Variants in DNASE1 observed in about 807,000 individuals in gnomAD.
DNASE1 encodes deoxyribonuclease 1.
A neutral mutation model predicts 33.9 loss-of-function variants in DNASE1; 40 were observed. That is an observed-to-expected ratio of 1.18 (90% CI 0.92 to 1.54). The LOEUF (loss-of-function observed/expected upper bound fraction) is 1.54. Ranked by LOEUF, DNASE1 falls within the 40% of genes most tolerant of loss-of-function variation. The pLI is 0.00. For missense variants in DNASE1, 518 were observed against 372.6 expected, an observed-to-expected ratio of 1.39 and a Z score of -3.21; for synonymous variants, 216 against 160.0, an observed-to-expected ratio of 1.35 and a Z score of -2.64.
chr16:3,635,486 A>C (rs1185912130), intron 1 of DNASE1, among the ~76,000 whole-genome samples: 2 of 151,154 alleles, frequency 1.3e-5, no homozygotes, highest in Non-Finnish European at 3.0e-5. Context: ...AAAAAGTAAG[A>C]AAAGTAAAAT....
chr16:3,630,066 A>C (rs1260124707), intron 1 of DNASE1, among the ~76,000 whole-genome samples: 2 of 152,066 alleles, frequency 1.3e-5, no homozygotes, highest in Admixed American at 1.3e-4. Context: ...TGATCTGCCC[A>C]CCTCGGCCTC....
rs1193485305 is a variant in DNASE1, at chr16:3,654,925, C to G, written c.-121C>G. On this transcript the variant is annotated 5_prime_UTR_variant, in exon 1 of 9. Coordinates refer to ENST00000246949, the MANE Select transcript of DNASE1 (RefSeq NM_005223.4). ...GGGCCTTGAAGTGCTTCTTCAGAGA[C>G]CTTTCTTCATAGACTACTTTTTTTT... The G allele has an allele frequency of 2.2e-6, 1 of 456,964 alleles. No individual in the cohort carries two copies. The highest frequency in any genetic ancestry group is 2.0e-5 in the African/African-American group (1 of 49,756). 28.3% of individuals were successfully genotyped at this position (456,964 alleles called of 1,614,324 possible).
chr16:3,658,694 A>AAGAC (rs1304238314), downstream of DNASE1: 1 of 1,036,162 alleles, frequency 9.7e-7, no homozygotes. Flanking sequence ...AACAAACAAA[A>AAGAC]AGACAGGATT....
At chr16:3,655,578 G>A in intron 2 of DNASE1, 58 bp downstream of exon 2, 1 of 1,610,294 alleles carries the variant, frequency 6.2e-7, no homozygotes, top group East Asian at 2.2e-5. Context: ...TAGGGCTGGT[G>A]GGCAGGGCCA....
At chr16:3,630,742 T>G (rs185550556) in intron 1 of DNASE1, among the ~76,000 whole-genome samples, 4 of 152,240 alleles carry the variant, frequency 2.6e-5, no homozygotes, top group African/African-American at 7.2e-5. Context: ...TGATTCTTTT[T>G]TGTAGTCCCA....
intron 1 of DNASE1, among the ~76,000 whole-genome samples, chr16:3,632,587 T>TC (rs1371871327): frequency 2.7e-4 from 34 of 126,530 alleles, no homozygotes; most frequent in Non-Finnish European, 5.4e-4. Flanking sequence ...TTTTTCTCTC[T>TC]TTTTTTTTTT....
chr16:3,658,736 AGGCTGGCAG>A (rs1314967196), downstream of DNASE1: 5 of 1,531,618 alleles, frequency 3.3e-6, no homozygotes, highest in Non-Finnish European at 4.5e-6. Flanking sequence ...CCCTGAAGGC[AGGCTGGCAG>A]GGCTGGTAGC....
downstream of DNASE1, chr16:3,658,132 G>A (rs1259590722): frequency 1.2e-6 from 2 of 1,613,980 alleles, no homozygotes; most frequent in Admixed American, 1.7e-5. Flanking sequence ...CTGGCTGTCA[G>A]TGTCGCTCCA....
At chr16:3,646,638 C>T (rs370620117) in intron 1 of DNASE1, among the ~76,000 whole-genome samples, 1 of 152,056 alleles carries the variant, frequency 6.6e-6, no homozygotes, top group East Asian at 1.9e-4. Flanking sequence ...CATTGGATTT[C>T]GTGTTAGGGA....
At chr16:3,630,970 T>G (rs962802209) in intron 1 of DNASE1, among the ~76,000 whole-genome samples, 2 of 152,098 alleles carry the variant, frequency 1.3e-5, no homozygotes, top group African/African-American at 4.8e-5. Flanking sequence ...TAGTTACTGA[T>G]CAGGAAAGAC....
chr16:3,658,171 G>T (rs764258569), downstream of DNASE1: 1 of 1,614,060 alleles, frequency 6.2e-7, no homozygotes, highest in Non-Finnish European at 8.5e-7. Flanking sequence ...CATTCAAGCG[G>T]CCCACCATGG....
At chr16:3,624,276 A>AG (rs2041428015) in intron 1 of DNASE1, among the ~76,000 whole-genome samples, 1 of 152,104 alleles carries the variant, frequency 6.6e-6, no homozygotes, top group Non-Finnish European at 1.5e-5. Flanking sequence ...CTCAAAAAAA[A>AG]AAAAAAAAGG....
At chr16:3,655,761 C>G (rs917407739) in intron 2 of DNASE1, 88 bp from the exon 3 acceptor site, 1 of 1,532,790 alleles carries the variant, frequency 6.5e-7, no homozygotes, top group African/African-American at 1.4e-5. Context: ...AGCAATGCCA[C>G]GAGCATCAGC....
At position 3,636,768 on chromosome 16, in the gene DNASE1, C is replaced by T. The variant is rs368328476; in HGVS notation, c.-1358-3947C>T. On this transcript the variant is annotated intron_variant and NMD_transcript_variant, in intron 1 of 11. Transcript: ENST00000570769. ...CCGGGAGGTGCAGGTTGCAGTGAGC[C>T]AAGATCATGCCACAGTACTCCAGCC... 1.7e-3 allele frequency among the ~76,000 whole-genome samples: 245 copies of T among 146,882 alleles called. 5 individuals are homozygous for T. In the Middle Eastern group the frequency reaches 0.021, roughly 12 times the overall value.
chr16:3,654,149 T>C (rs2042449694), upstream of DNASE1: 1 of 387,876 alleles, frequency 2.6e-6, no homozygotes. Context: ...ACCAAGAAAT[T>C]ACTGGACCTG....
chr16:3,639,072 A>G (rs1435637466), upstream of DNASE1, among the ~76,000 whole-genome samples: 4 of 151,998 alleles, frequency 2.6e-5, no homozygotes, highest in East Asian at 3.9e-4. Context: ...GTCAGTTTCT[A>G]TTGACTGTGT....
Position 3,628,878 on chromosome 16 carries a change from T to G in DNASE1, c.-1358-11837T>G, listed in dbSNP as rs1202713824. ...CTGGCTCTGTTTTTTTTTTTTTCTT[T>G]AAAAACTTTTAGGCTGGGCGCAGTG... On this transcript the variant is annotated intron_variant and NMD_transcript_variant, in intron 1 of 11. Coordinates refer to the DNASE1 transcript ENST00000570769. Among the ~76,000 whole-genome samples, 240 of 143,938 alleles carry G rather than the reference T, an allele frequency of 1.7e-3. 1 individual carries two copies. Among genetic ancestry groups the G allele is most frequent in the African/African-American group, 5.8e-3 (227 of 39,220 alleles). 94.4% of individuals were successfully genotyped at this position (143,938 alleles called of 152,430 possible).
At chr16:3,619,181 T>G (rs564587518) in intron 1 of DNASE1, among the ~76,000 whole-genome samples, 2 of 151,320 alleles carry the variant, frequency 1.3e-5, no homozygotes, top group South Asian at 4.2e-4. Flanking sequence ...ACTGCAGGCA[T>G]GTAAAACCAC....
At chr16:3,618,827 A>G (rs1384434547) in intron 1 of DNASE1, among the ~76,000 whole-genome samples, 1 of 152,234 alleles carries the variant, frequency 6.6e-6, no homozygotes, top group Non-Finnish European at 1.5e-5. Flanking sequence ...AATGGAATAC[A>G]TGTTACACTG....
Sources: allele counts gnomAD v4.1 joint callset (sites outside exome capture counted in the v4.1 genomes callset), GRCh38; gene constraint gnomAD v4.1.1; transcripts MANE v1.5; gene names NCBI Gene and HGNC (gene_info 2026-07-23, HGNC 2026-07-21).